Variants in RIF1 observed in about 807,000 individuals in gnomAD.
RIF1 encodes replication timing regulatory factor 1.
Under a neutral mutation model 247.1 loss-of-function variants are expected in RIF1, and 45 were observed. The ratio of observed to expected loss-of-function variants is 0.18; its 90% CI spans 0.14 to 0.23. RIF1 has a LOEUF of 0.23. RIF1 is among the 10% of genes least tolerant of loss of function. The probability of loss-of-function intolerance (pLI) is 1.00; values close to 1 mark genes in which losing one functional copy is unlikely to be tolerated. For missense variants in RIF1, 2,967 were observed against 2,862.5 expected, an observed-to-expected ratio of 1.04 and a Z score of -0.83; for synonymous variants, 1,087 against 978.8, an observed-to-expected ratio of 1.11 and a Z score of -2.06.
chr2:151,417,553 T>C (rs1439804531), intron 6 of RIF1, among the ~76,000 whole-genome samples: 1 of 152,170 alleles, frequency 6.6e-6, no homozygotes, highest in African/African-American at 2.4e-5. Flanking sequence ...CAATTGAGGG[T>C]TGAAAGTCTC....
chr2:151,530,781 GC>G, the RIF1 span: 22 of 411,384 alleles, frequency 5.3e-5, no homozygotes, highest in South Asian at 1.3e-3. Flanking sequence ...GCTTGACTGA[GC>G]CCCAGGTGTC....
chr2:151,441,601 T>C (rs1051201027), intron 15 of RIF1, among the ~76,000 whole-genome samples: 3 of 152,226 alleles, frequency 2.0e-5, no homozygotes, highest in Admixed American at 1.3e-4. Flanking sequence ...TGTGTGTTTT[T>C]CTGTGTACTT....
At chr2:151,424,825 A>ATTTTTTTTTTTTTTTTTTTT (rs71000475) in intron 8 of RIF1, among the ~76,000 whole-genome samples, 2 of 47,286 alleles carry the variant, frequency 4.2e-5, no homozygotes, top group African/African-American at 8.0e-5. Flanking sequence ...AGCCCGGCTG[A>ATTTTTTTTTTTTTTTTTTTT]TTTTTTTTTT....
At chr2:151,453,061 G>A (rs868691029) in intron 21 of RIF1, among the ~76,000 whole-genome samples, 1 of 152,160 alleles carries the variant, frequency 6.6e-6, no homozygotes, top group African/African-American at 2.4e-5. Context: ...ACATTGTGAT[G>A]ATTTCAAATT....
intron 9 of RIF1, among the ~76,000 whole-genome samples, chr2:151,494,614 C>T (rs1287371689): frequency 6.6e-6 from 1 of 152,040 alleles, no homozygotes; most frequent in Non-Finnish European, 1.5e-5. Context: ...TGAGGCTGTT[C>T]CTAATACATC....
At chr2:151,500,958 T>TATC (rs1186485443) in intron 11 of RIF1, among the ~76,000 whole-genome samples, 1 of 152,168 alleles carries the variant, frequency 6.6e-6, no homozygotes, top group African/African-American at 2.4e-5. Flanking sequence ...TGCTATTGTT[T>TATC]ATCTGAATAG....
chr2:151,446,911 G>A (rs537991397), intron 20 of RIF1, among the ~76,000 whole-genome samples: 25 of 150,000 alleles, frequency 1.7e-4, no homozygotes, highest in African/African-American at 6.1e-4. Context: ...TTGAAAGTTT[G>A]TAGTCTTAGA....
chr2:151,429,906 C>T (rs1020884634), intron 9 of RIF1, among the ~76,000 whole-genome samples: 2 of 152,134 alleles, frequency 1.3e-5, no homozygotes, highest in Non-Finnish European at 2.9e-5. Context: ...TTTACAAGAG[C>T]TGCTAAGTAA....
the RIF1 span, chr2:151,518,411 C>T: frequency 1.2e-6 from 2 of 1,604,070 alleles, no homozygotes; most frequent in East Asian, 2.2e-5. Flanking sequence ...CATACTTCTT[C>T]TTGTACTGGT....
Position 151,479,484 on chromosome 2 carries a change from TG to T in RIF1, c.*4415del, listed in dbSNP as rs2049079031. 1 of 152,208 alleles carries T rather than the reference TG, an allele frequency of 6.6e-6. No homozygotes were observed. Among genetic ancestry groups the T allele is most frequent in the Admixed American group, 6.5e-5 (1 of 15,280 alleles). The allele number at this position is 152,208 out of a possible 1,614,324, so 9.4% of individuals were successfully genotyped here. A position where few individuals can be genotyped will look rare whatever the true frequency, so the allele number is the denominator to read the frequency against. Reference sequence around the variant, plus strand: ...TCTAAATAAATCTTGCCTTCTATTATGGATCATCGTTATTAATAAACATGGA... The same window carrying T: ...TCTAAATAAATCTTGCCTTCTATTATGATCATCGTTATTAATAAACATGGA... On this transcript the variant is annotated 3_prime_UTR_variant, in exon 36 of 36. Transcript: ENST00000444746.
the RIF1 span, among the ~76,000 whole-genome samples, chr2:151,523,603 T>C: frequency 2.0e-5 from 3 of 152,226 alleles, no homozygotes; most frequent in African/African-American, 7.2e-5. Flanking sequence ...ATCTCTGAGC[T>C]AAAGTCTGAA....
At chr2:151,421,951 C>G (rs1449781806) in intron 7 of RIF1, among the ~76,000 whole-genome samples, 1 of 151,962 alleles carries the variant, frequency 6.6e-6, no homozygotes, top group Admixed American at 6.6e-5. Flanking sequence ...TCTCCTGCCT[C>G]AGCAGGAGTA....
chr2:151,471,727 A>C (rs1056280183), intron 34 of RIF1, among the ~76,000 whole-genome samples: 1 of 152,050 alleles, frequency 6.6e-6, no homozygotes, highest in Non-Finnish European at 1.5e-5. Flanking sequence ...CCATTGGCTT[A>C]TATCTCTGTT....
chr2:151,526,953 C>T, the RIF1 span: 2 of 1,603,046 alleles, frequency 1.2e-6, no homozygotes, highest in Admixed American at 1.7e-5. Context: ...AGGGCGAGCA[C>T]CGTGTTTTTG....
At position 151,409,907 on chromosome 2, in the gene RIF1, C is replaced by T; in HGVS notation, c.-137C>T. On this transcript the variant is annotated 5_prime_UTR_variant, in exon 1 of 36. Transcript: ENST00000444746. ...GCGCACTCCTGGGCCCGCCCAGCCG[C>T]CATCTTGGTCTAGGAGGGAGCGCGC... The T allele has an allele frequency of 1.4e-6, 1 of 699,264 alleles. No individual in the cohort carries two copies. Among genetic ancestry groups the T allele is most frequent in the Non-Finnish European group, 2.6e-6 (1 of 383,294 alleles). 43.3% of individuals were successfully genotyped at this position (699,264 alleles called of 1,614,324 possible). A position where few individuals can be genotyped will look rare whatever the true frequency, so the allele number is the denominator to read the frequency against.
chr2:151,419,070 C>G (rs952228893), intron 6 of RIF1, among the ~76,000 whole-genome samples: 2 of 150,618 alleles, frequency 1.3e-5, no homozygotes, highest in Non-Finnish European at 3.0e-5. Flanking sequence ...CTACTGTCTC[C>G]CACCTCCACA....
intron 21 of RIF1, among the ~76,000 whole-genome samples, chr2:151,452,871 C>T (rs114249770): frequency 2.6e-3 from 391 of 152,276 alleles, no homozygotes; most frequent in African/African-American, 8.7e-3. Flanking sequence ...AATTCAGGAA[C>T]CCACAGTTAC....
intron 30 of RIF1, among the ~76,000 whole-genome samples, chr2:151,466,388 G>T (rs116294835): frequency 1.3e-5 from 2 of 152,112 alleles, no homozygotes; most frequent in African/African-American, 2.4e-5. Context: ...AATTGATAAG[G>T]CTCCTAGCAT....
At chr2:151,490,353 C>T in intron 9 of RIF1, 1 of 1,581,894 alleles carries the variant, frequency 6.3e-7, no homozygotes, top group Admixed American at 1.8e-5. Flanking sequence ...CTGCCAAAAT[C>T]AGCGCCAGGC....
Sources: gnomAD v4.1 joint callset for allele counts (sites outside exome capture counted in the v4.1 genomes callset) on GRCh38, gnomAD v4.1.1 for gene constraint, MANE v1.5 for transcripts, NCBI Gene and HGNC (gene_info 2026-07-23, HGNC 2026-07-21) for gene names.